The following ATG7 variants were observed in gnomAD, a reference collection of about 807,000 sequenced individuals.
ATG7 encodes autophagy related 7.
ATG7 carries 70 observed loss-of-function variants against 82.4 expected under a neutral mutation model. That is an observed-to-expected ratio of 0.85 (90% CI 0.70 to 1.04). The LOEUF (loss-of-function observed/expected upper bound fraction) is 1.04. Among genes scored for constraint, ATG7 ranks in the 50% least tolerant of loss-of-function variants. The probability of loss-of-function intolerance (pLI) is 0.00; values close to 1 mark genes in which losing one functional copy is unlikely to be tolerated. For missense variants in ATG7, 792 were observed against 864.3 expected (o/e 0.92, Z 1.05); for synonymous variants, 287 against 313.0 (o/e 0.92, Z 0.88).
At chr3:11,276,257 A>G (rs533129420) in intron 1 of ATG7, among the ~76,000 whole-genome samples, 6 of 152,142 alleles carry the variant, frequency 3.9e-5, no homozygotes, top group East Asian at 3.9e-4. Flanking sequence ...AGCTGACCCT[A>G]TCCTTTTGCC....
rs546142836 is a variant in ATG7, at chr3:11,519,852, T to C, written c.2080-34959T>C. Among the ~76,000 whole-genome samples the C allele has an allele frequency of 1.2e-3, 186 of 152,182 alleles. 1 individual carries two copies. The highest frequency in any genetic ancestry group is 4.1e-3 in the African/African-American group (169 of 41,548). ...CTGGGATTACAGGCGTGAGCCACCA[T>C]GCCCAGCCGAGAGGAGTTTTTATAC... On this transcript the variant is annotated intron_variant, in intron 20 of 20. Coordinates refer to ENST00000693202, the MANE Select transcript of ATG7 (RefSeq NM_001349232.2).
intron 3 of ATG7, among the ~76,000 whole-genome samples, chr3:11,296,042 T>C (rs996078478): frequency 1.3e-4 from 20 of 152,198 alleles, no homozygotes; most frequent in African/African-American, 4.6e-4. Context: ...CCTCCCAAAG[T>C]GCTGGGATTA....
rs531232943 is a variant in ATG7, at chr3:11,541,048, C to T, written c.2080-13763C>T. ...CCAAGTAGCTGGGACTACAGGTGCCCACCACCACACCTGGCTAATTTTTTT... is the reference window on the plus strand; with the variant it reads ...CCAAGTAGCTGGGACTACAGGTGCCTACCACCACACCTGGCTAATTTTTTT... On this transcript the variant is annotated intron_variant, in intron 20 of 20. Coordinates refer to ENST00000693202, the MANE Select transcript of ATG7 (RefSeq NM_001349232.2). Among the ~76,000 whole-genome samples the T allele has an allele frequency of 2.8e-3, 420 of 152,040 alleles. 3 individuals carry two copies. Among genetic ancestry groups the T allele is most frequent in the Non-Finnish European group, 5.3e-3 (358 of 67,970 alleles).
the ATG7 span, among the ~76,000 whole-genome samples, chr3:11,574,783 ATATGTGTGTGTG>A: frequency 2.4e-3 from 273 of 111,856 alleles, no homozygotes; most frequent in African/African-American, 7.8e-3. Context: ...ATTCAACTAT[ATATGTGTGTGTG>A]TGTGTGTGTG....
At position 11,507,628 on chromosome 3, in the gene ATG7, G is replaced by A. The variant is rs369537467; in HGVS notation, c.2080-47183G>A. The stretch of plus-strand genomic sequence containing the variant: ...AGTGAAGGAAATGCTAAAGTTATGG[G>A]TGTTTTTTGTTTTTGTTTTTGTTTT... On this transcript the variant is annotated intron_variant, in intron 20 of 20. Coordinates refer to ENST00000693202, the MANE Select transcript of ATG7 (RefSeq NM_001349232.2). Among the ~76,000 whole-genome samples the A allele has an allele frequency of 6.5e-4, 99 of 152,244 alleles. 3 individuals carry two copies. In the South Asian group the frequency reaches 0.019, roughly 30 times the overall value.
chr3:11,467,888 T>C (rs2087000747), intron 20 of ATG7, among the ~76,000 whole-genome samples: 1 of 152,222 alleles, frequency 6.6e-6, no homozygotes, highest in Admixed American at 6.5e-5. Flanking sequence ...CTTTGAATTT[T>C]TTTGCCAAAA....
At chr3:11,342,931 TA>T (rs950180583) in intron 13 of ATG7, among the ~76,000 whole-genome samples, 1 of 144,134 alleles carries the variant, frequency 6.9e-6, no homozygotes, top group African/African-American at 2.5e-5. Context: ...TGTTTGTCAT[TA>T]ATTTTTTTTT....
chr3:11,424,169 G>T (rs1358872973), intron 19 of ATG7, among the ~76,000 whole-genome samples: 2 of 152,112 alleles, frequency 1.3e-5, no homozygotes, highest in African/African-American at 4.8e-5. Flanking sequence ...GCCCCTGGGG[G>T]AGAGCTGCCC....
the ATG7 span, among the ~76,000 whole-genome samples, chr3:11,574,837 G>GTGTGTGTA: frequency 7.1e-6 from 1 of 141,756 alleles, no homozygotes; most frequent in African/African-American, 2.6e-5. Flanking sequence ...GTGTGTGTGT[G>GTGTGTGTA]TATTTTAAAA....
chr3:11,397,893 G>A (rs549549372), intron 19 of ATG7, among the ~76,000 whole-genome samples: 1 of 150,518 alleles, frequency 6.6e-6, no homozygotes, highest in East Asian at 2.0e-4. Context: ...GATCAGCCTG[G>A]CCAGCATGGT....
At chr3:11,462,320 G>T (rs1017601893) in intron 20 of ATG7, among the ~76,000 whole-genome samples, 1 of 152,032 alleles carries the variant, frequency 6.6e-6, no homozygotes, top group Non-Finnish European at 1.5e-5. Context: ...GGAGACACAG[G>T]AGAGGCTCAG....
intron 19 of ATG7, among the ~76,000 whole-genome samples, chr3:11,410,480 C>T (rs1158554066): frequency 1.3e-5 from 2 of 152,260 alleles, no homozygotes; most frequent in Middle Eastern, 3.4e-3. Flanking sequence ...AAATGTACAG[C>T]TCAGTGGTAT....
Position 11,333,056 on chromosome 3 carries a change from C to T in ATG7, c.852C>T (p.Ile284=), listed in dbSNP as rs758939214. 8 of 1,566,286 alleles carry T rather than the reference C, an allele frequency of 5.1e-6. No individual in the cohort carries two copies. The highest frequency in any genetic ancestry group is 1.2e-5 in the South Asian group (1 of 83,930). ...CGAGAGACGTTGCCCACAGCATCAT[C>T]TTCGAAGTGAAGCTTCCAGAAATGG... ...QGARDVAHSI[I]FEVKLPEMAF... The change falls in exon 11 of 21, where the codon ATC becomes ATT. Residue 284 remains isoleucine, a synonymous_variant. Coordinates refer to ENST00000693202, the MANE Select transcript of ATG7 (RefSeq NM_001349232.2).
rs137989651 is a variant in ATG7, at chr3:11,409,890, T to G, written c.1957-16914T>G. The stretch of plus-strand genomic sequence containing the variant: ...ATTGTCAAAGATCAGTTGACTAAGG[T>G]GGGTCTAATTCTGGGCTTTCTATTC... On this transcript the variant is annotated intron_variant, in intron 19 of 20. Transcript: ENST00000693202. Among the ~76,000 whole-genome samples the G allele has an allele frequency of 3.2e-3, 483 of 151,994 alleles. 1 individual carries two copies. The highest frequency in any genetic ancestry group is 0.011 in the African/African-American group (461 of 41,472).
At chr3:11,401,112 GAA>G (rs759556966) in intron 19 of ATG7, among the ~76,000 whole-genome samples, 13 of 152,190 alleles carry the variant, frequency 8.5e-5, no homozygotes, top group Non-Finnish European at 1.0e-4. Context: ...GAACTTGCTA[GAA>G]ATAAAAACTC....
At chr3:11,473,923 TC>T (rs1263199843) in intron 20 of ATG7, among the ~76,000 whole-genome samples, 1 of 152,218 alleles carries the variant, frequency 6.6e-6, no homozygotes, top group Non-Finnish European at 1.5e-5. Flanking sequence ...AAACCTCAGG[TC>T]CCCTGCTTTG....
chr3:11,509,110 TATTAA>T (rs1419794072), intron 20 of ATG7, among the ~76,000 whole-genome samples: 3 of 152,238 alleles, frequency 2.0e-5, no homozygotes, highest in African/African-American at 7.2e-5. Context: ...CTTCTTATTT[TATTAA>T]AACACCCAGG....
At chr3:11,351,851 C>CTTT (rs5846705) in intron 14 of ATG7, among the ~76,000 whole-genome samples, 12 of 146,384 alleles carry the variant, frequency 8.2e-5, no homozygotes, top group African/African-American at 2.5e-4. Flanking sequence ...AGTATAGTTT[C>CTTT]TTTTTTTTTT....
chr3:11,417,181 AT>A (rs2081441142), intron 19 of ATG7, among the ~76,000 whole-genome samples: 1 of 152,174 alleles, frequency 6.6e-6, no homozygotes, highest in Non-Finnish European at 1.5e-5. Context: ...GGTGAATTCT[AT>A]CCAGTTGATT....
Sources: gnomAD v4.1 joint callset for allele counts (sites outside exome capture counted in the v4.1 genomes callset) on GRCh38, gnomAD v4.1.1 for gene constraint, MANE v1.5 for transcripts, NCBI Gene and HGNC (gene_info 2026-07-23, HGNC 2026-07-21) for gene names.